PSMC1: variants seen among roughly 807,000 people sequenced by gnomAD.
The protein encoded by PSMC1 is proteasome 26S subunit, ATPase 1, also known as 26S proteasome regulatory subunit 4.
In PSMC1, 5 loss-of-function variants were observed where a neutral mutation model predicts 49.8. The ratio of observed to expected loss-of-function variants is 0.10; its 90% CI spans 0.05 to 0.21. PSMC1 has a LOEUF of 0.21. PSMC1 is among the 10% of genes least tolerant of loss of function. The probability of loss-of-function intolerance (pLI) is 1.00; values close to 1 mark genes in which losing one functional copy is unlikely to be tolerated. For missense variants in PSMC1, 181 were observed against 535.7 expected, an observed-to-expected ratio of 0.34 and a Z score of 6.54; for synonymous variants, 155 against 192.1, an observed-to-expected ratio of 0.81 and a Z score of 1.60.
chr14:90,274,868 T>G lies in PSMC1; in HGVS notation c.*2461T>G. 1 of 149,416 alleles carries G rather than the reference T, an allele frequency of 6.7e-6. No homozygotes were observed. Among genetic ancestry groups the G allele is most frequent in the Admixed American group, 6.7e-5 (1 of 14,890 alleles). The allele number at this position is 149,416 out of a possible 1,614,324, so 9.3% of individuals were successfully genotyped here. Reference sequence around the variant, plus strand: ...AATACATATGAATTGATCTGAAAGTTTGCTGAGGAAGGGGTATTTACAGAT... The same window carrying G: ...AATACATATGAATTGATCTGAAAGTGTGCTGAGGAAGGGGTATTTACAGAT... On this transcript the variant is annotated 3_prime_UTR_variant, in exon 11 of 11. Coordinates refer to ENST00000261303, the MANE Select transcript of PSMC1 (RefSeq NM_002802.3).
chr14:90,271,355 CTCTA>C (rs934238576), intron 10 of PSMC1: 18 of 152,196 alleles, frequency 1.2e-4, no homozygotes, highest in Middle Eastern at 3.2e-3. Context: ...TGCTGTCCTT[CTCTA>C]TCTATTTCCT....
At chr14:90,267,069 C>T (rs1891535281) in intron 7 of PSMC1, among the ~76,000 whole-genome samples, 1 of 152,138 alleles carries the variant, frequency 6.6e-6, no homozygotes, top group South Asian at 2.1e-4. Context: ...ACCAAAGGAT[C>T]CCAGGTCTTC....
chr14:90,267,244 C>CT (rs1486516473), intron 7 of PSMC1, among the ~76,000 whole-genome samples: 2 of 152,030 alleles, frequency 1.3e-5, no homozygotes, highest in East Asian at 3.9e-4. Context: ...ATTCTCCTGC[C>CT]TTAGCCTCTC....
At chr14:90,259,667 G>A (rs1891359299) in intron 2 of PSMC1, among the ~76,000 whole-genome samples, 1 of 152,118 alleles carries the variant, frequency 6.6e-6, no homozygotes, top group Non-Finnish European at 1.5e-5. Flanking sequence ...AGTCACCCAG[G>A]CTGGAGTGCA....
rs1891704985 is a variant in PSMC1, at chr14:90,272,837, T to C, written c.*430T>C. 1 of 153,936 alleles carries C rather than the reference T, an allele frequency of 6.5e-6. No homozygotes were observed. Among genetic ancestry groups the C allele is most frequent in the Non-Finnish European group, 1.4e-5 (1 of 69,182 alleles). The allele number at this position is 153,936 out of a possible 1,614,324, so 9.5% of individuals were successfully genotyped here. ...ACTACCACAGAGCCAGGGATATTCG[T>C]TGTTTAAATAATAAAGGCTGCGTTA... On this transcript the variant is annotated 3_prime_UTR_variant, in exon 11 of 11. Transcript: ENST00000261303. The surrounding 1 kb of genome is among the most constrained non-coding windows in gnomAD (Gnocchi z 4.5).
At chr14:90,266,253 C>A (rs1213237923) in intron 7 of PSMC1, among the ~76,000 whole-genome samples, 157 of 130,858 alleles carry the variant, frequency 1.2e-3, no homozygotes, top group Admixed American at 2.1e-3. Flanking sequence ...AGACCATCTC[C>A]AAAAAAAAAA....
intron 3 of PSMC1, among the ~76,000 whole-genome samples, chr14:90,260,448 G>A (rs1299568041): frequency 2.0e-5 from 3 of 152,078 alleles, no homozygotes; most frequent in South Asian, 2.1e-4. Context: ...AAATGTCACC[G>A]TGGCGGGGTG....
chr14:90,260,459 C>T (rs529704974), intron 3 of PSMC1, among the ~76,000 whole-genome samples: 69 of 152,248 alleles, frequency 4.5e-4, no homozygotes, highest in Admixed American at 7.9e-4. Context: ...TGGCGGGGTG[C>T]GGTGGTTCAC....
intron 2 of PSMC1, among the ~76,000 whole-genome samples, chr14:90,259,632 G>C (rs1891358038): frequency 6.6e-6 from 1 of 151,108 alleles, no homozygotes; most frequent in African/African-American, 2.4e-5. Context: ...ATTTTCATTT[G>C]TTATTATTAT....
chr14:90,263,293 A>G (rs1240315085), intron 3 of PSMC1, 25 bp from the exon 4 acceptor site: 5 of 1,578,156 alleles, frequency 3.2e-6, no homozygotes, highest in Non-Finnish European at 4.3e-6. Flanking sequence ...TCCACATATA[A>G]TGAAACTTTA....
intron 7 of PSMC1, among the ~76,000 whole-genome samples, chr14:90,265,761 AG>A (rs1891497050): frequency 6.6e-6 from 1 of 150,568 alleles, no homozygotes; most frequent in Admixed American, 6.6e-5. Flanking sequence ...CAAGAGGCTG[AG>A]GTAGGAGGGT....
At chr14:90,260,322 C>T in intron 3 of PSMC1, 111 bp downstream of exon 3, 4 of 728,996 alleles carry the variant, frequency 5.5e-6, no homozygotes, top group Non-Finnish European at 6.9e-6. Flanking sequence ...GCAACTGAAG[C>T]TCTAGCTTTG....
chr14:90,268,207 T>G lies in PSMC1; in HGVS notation c.692-17T>G. Reference sequence around the variant, plus strand: ...TTAAGGTGTCTTTTTTTTTTTTATCTTTTTCATCCAAAATAGGTAAAACCT... The same window carrying G: ...TTAAGGTGTCTTTTTTTTTTTTATCGTTTTCATCCAAAATAGGTAAAACCT... On this transcript the variant is annotated splice_polypyrimidine_tract_variant and intron_variant, in intron 7 of 10. Coordinates refer to ENST00000261303, the MANE Select transcript of PSMC1 (RefSeq NM_002802.3). The G allele has an allele frequency of 1.3e-6, 2 of 1,552,284 alleles. No homozygotes were observed. Among genetic ancestry groups the G allele is most frequent in the South Asian group, 2.4e-5 (2 of 82,874 alleles).
At chr14:90,265,716 G>A (rs1262485954) in intron 7 of PSMC1, among the ~76,000 whole-genome samples, 1 of 148,184 alleles carries the variant, frequency 6.7e-6, no homozygotes, top group Non-Finnish European at 1.5e-5. Context: ...AAGATTAGGT[G>A]GGCGTGGTAG....
Position 90,268,427 on chromosome 14 carries a change from T to TA in PSMC1, c.881+15dup, listed in dbSNP as rs1891573357. On this transcript the variant is annotated intron_variant, in intron 8 of 10. Transcript: ENST00000261303. ...TGGGACAAAAAGGTAGACTTTCTCA[T>TA]ACTTATTTTGCCTTGTTTAGTAGGG... The TA allele has an allele frequency of 6.2e-7, 1 of 1,613,530 alleles. No individual in the cohort carries two copies.
chr14:90,270,525 T>C (rs964156781), intron 10 of PSMC1, 173 bp downstream of exon 10: 2 of 677,402 alleles, frequency 3.0e-6, no homozygotes, highest in African/African-American at 3.6e-5. Flanking sequence ...ATTGAAGTCA[T>C]TCTTAATGCA....
chr14:90,260,328 C>G lies in PSMC1; in HGVS notation c.154+117C>G, dbSNP rs538809653. 139 of 700,934 alleles carry G rather than the reference C, an allele frequency of 2.0e-4. 1 individual carries two copies. The South Asian group carries it at 2.6e-3, about 13-fold the overall frequency. 43.4% of individuals were successfully genotyped at this position (700,934 alleles called of 1,614,324 possible). A position where few individuals can be genotyped will look rare whatever the true frequency, so the allele number is the denominator to read the frequency against. On this transcript the variant is annotated intron_variant, in intron 3 of 10. Transcript: ENST00000261303. ...AGTAGAGGGGCAACTGAAGCTCTAG[C>G]TTTGTGATTCATTTCTACCTCACTC... is the stretch of plus-strand genomic sequence containing the variant.
chr14:90,263,639 TC>T lies in PSMC1; in HGVS notation c.280-20del, dbSNP rs751611393. On this transcript the variant is annotated intron_variant, in intron 4 of 10. Transcript: ENST00000261303. Reference sequence around the variant, plus strand: ...TACTTTGAGGTCTAGTCTGCTTTTTTCCCTTGGCATTTTCATATGTAGGAGG... The same window carrying T: ...TACTTTGAGGTCTAGTCTGCTTTTTTCCTTGGCATTTTCATATGTAGGAGG... 1.1e-5 allele frequency: 17 copies of T among 1,610,268 alleles called. No homozygotes were observed. In the Admixed American group the frequency reaches 2.2e-4, roughly 21 times the overall value.
intron 6 of PSMC1, among the ~76,000 whole-genome samples, chr14:90,264,610 C>T (rs558022757): frequency 2.0e-5 from 3 of 152,240 alleles, no homozygotes; most frequent in South Asian, 4.1e-4. Flanking sequence ...TGAGGATGGC[C>T]GTCGGCTCTC....
Sources: gnomAD v4.1 joint callset for allele counts (sites outside exome capture counted in the v4.1 genomes callset) on GRCh38, gnomAD v4.1.1 for gene constraint, Gnocchi (gnomAD v3.1) non-coding constraint, MANE v1.5 for transcripts, NCBI Gene and HGNC (gene_info 2026-07-23, HGNC 2026-07-21) for gene names.